The following PLEKHA5 variants were observed in gnomAD, a reference collection of about 807,000 sequenced individuals.
PLEKHA5 encodes the protein pleckstrin homology domain-containing family A member 5.
PLEKHA5 carries 55 observed loss-of-function variants against 181.9 expected under a neutral mutation model. That is an observed-to-expected ratio of 0.30 (90% CI 0.24 to 0.38). The LOEUF (loss-of-function observed/expected upper bound fraction) is 0.38. Among genes scored for constraint, PLEKHA5 ranks in the 10% least tolerant of loss-of-function variants. The probability of loss-of-function intolerance (pLI) is 1.00; values close to 1 mark genes in which losing one functional copy is unlikely to be tolerated. For synonymous variants in PLEKHA5, 535 were observed against 529.4 expected (o/e 1.01, Z -0.15); for missense variants, 1,432 against 1,549.5 (o/e 0.92, Z 1.27).
In PLEKHA5 at chr12:19,322,398, A is replaced by C; in HGVS notation, c.2298+8A>C. On this transcript the variant is annotated splice_region_variant and intron_variant, in intron 19 of 31. Coordinates refer to ENST00000429027, the MANE Select transcript of PLEKHA5 (RefSeq NM_001256470.2). ...CAACTCCACAAGGAGAAAGTAGGAC[A>C]ATTATGTTTATTGTCTACAATTGAT... The C allele has an allele frequency of 6.2e-7, 1 of 1,601,152 alleles. No homozygotes were observed. Among genetic ancestry groups the C allele is most frequent in the Non-Finnish European group, 8.6e-7 (1 of 1,168,410 alleles).
intron 3 of PLEKHA5, among the ~76,000 whole-genome samples, chr12:19,237,952 TC>T (rs140383292): frequency 0.01 from 1,573 of 152,156 alleles, 28 homozygotes; most frequent in African/African-American, 0.036. Context: ...TATTGTAATT[TC>T]ATTCTATTTA....
chr12:19,336,535 A>G lies in PLEKHA5; in HGVS notation c.2469A>G (p.Arg823=), dbSNP rs757812387. The change falls in exon 21 of 32, where the codon AGA becomes AGG. Residue 823 remains arginine (R), a synonymous_variant. Transcript: ENST00000429027. ...TTTAGGAATTGGAACGAGCATGGAG[A>G]GAATATGATAAGTTAGAATACGATG... ...RATAELERAW[R]EYDKLEYDVT... 2 of 1,602,534 alleles carry G rather than the reference A, an allele frequency of 1.2e-6. No homozygotes were observed. The highest frequency in any genetic ancestry group is 1.7e-6 in the Non-Finnish European group (2 of 1,170,972).
chr12:19,275,010 C>T, intron 11 of PLEKHA5, 27 bp downstream of exon 11: 1 of 1,489,776 alleles, frequency 6.7e-7, no homozygotes, highest in Non-Finnish European at 9.2e-7. Context: ...TCATTATGAA[C>T]CCAGGTTTCT....
At chr12:19,173,005 CTTTTTTTTTTTTT>C (rs71064064) in intron 3 of PLEKHA5, among the ~76,000 whole-genome samples, 9 of 33,544 alleles carry the variant, frequency 2.7e-4, no homozygotes, top group Admixed American at 1.3e-3. Flanking sequence ...ATTTCCCTTT[CTTTTTTTTTTTTT>C]TTTTTTTTTT....
chr12:19,323,016 AT>A (rs538132540), intron 20 of PLEKHA5, among the ~76,000 whole-genome samples: 3,313 of 92,578 alleles, frequency 0.036, 106 homozygotes, highest in East Asian at 0.14. Flanking sequence ...ACCTGGCTAG[AT>A]TTTTTTTTTT....
chr12:19,279,338 T>C (rs1252869063), intron 11 of PLEKHA5, among the ~76,000 whole-genome samples: 1 of 152,114 alleles, frequency 6.6e-6, no homozygotes, highest in Non-Finnish European at 1.5e-5. Context: ...ATTTTAGTTC[T>C]ATTTAGCCCG....
intron 3 of PLEKHA5, among the ~76,000 whole-genome samples, chr12:19,240,196 G>A (rs2062221326): frequency 6.6e-6 from 1 of 152,162 alleles, no homozygotes; most frequent in Non-Finnish European, 1.5e-5. Context: ...TACTCTGTCA[G>A]TTTGACTCTA....
At chr12:19,365,445 A>C (rs1271058962) in intron 29 of PLEKHA5, among the ~76,000 whole-genome samples, 1 of 152,128 alleles carries the variant, frequency 6.6e-6, no homozygotes, top group African/African-American at 2.4e-5. Flanking sequence ...GTGATAAACT[A>C]TATAGGACAG....
chr12:19,267,638 C>A (rs564571363), intron 8 of PLEKHA5, among the ~76,000 whole-genome samples: 1 of 149,798 alleles, frequency 6.7e-6, no homozygotes, highest in Non-Finnish European at 1.5e-5. Flanking sequence ...CCAGCCTGGG[C>A]GACAGAGTAA....
intron 22 of PLEKHA5, among the ~76,000 whole-genome samples, chr12:19,345,301 G>A (rs918679785): frequency 6.6e-6 from 1 of 151,760 alleles, no homozygotes; most frequent in Non-Finnish European, 1.5e-5. Context: ...TCGGGAGGCT[G>A]AGGCAGAAGA....
chr12:19,161,443 T>TA (rs2042941648), intron 3 of PLEKHA5, among the ~76,000 whole-genome samples: 1 of 152,160 alleles, frequency 6.6e-6, no homozygotes, highest in Non-Finnish European at 1.5e-5. Context: ...CTTTGGGTGT[T>TA]AAAAACTAAC....
chr12:19,155,727 A>G (rs1031009925), intron 3 of PLEKHA5, among the ~76,000 whole-genome samples: 1 of 152,222 alleles, frequency 6.6e-6, no homozygotes, highest in African/African-American at 2.4e-5. Flanking sequence ...CTATAGATAT[A>G]ATGTTTTTCT....
intron 20 of PLEKHA5, among the ~76,000 whole-genome samples, chr12:19,328,965 G>A (rs893372292): frequency 6.6e-6 from 1 of 152,056 alleles, no homozygotes; most frequent in African/African-American, 2.4e-5. Context: ...GATGTTGGCT[G>A]TATATTTGTC....
intron 3 of PLEKHA5, among the ~76,000 whole-genome samples, chr12:19,175,930 C>T (rs1438813557): frequency 6.6e-6 from 1 of 152,080 alleles, no homozygotes; most frequent in Non-Finnish European, 1.5e-5. Context: ...CCGGGTTGTA[C>T]CCCACACCTC....
intron 15 of PLEKHA5, chr12:19,307,282 G>A (rs1364944292): frequency 4.9e-6 from 2 of 408,680 alleles, no homozygotes; most frequent in East Asian, 1.2e-4. Flanking sequence ...AGACCAACCT[G>A]ACCAACATGG....
intron 31 of PLEKHA5, chr12:19,370,823 G>C (rs2095556310): frequency 6.6e-6 from 1 of 151,800 alleles, no homozygotes; most frequent in African/African-American, 2.4e-5. Context: ...ACAAGTAGCT[G>C]GGATCACAAG....
At chr12:19,297,624 G>A (rs1328931780) in intron 15 of PLEKHA5, among the ~76,000 whole-genome samples, 4 of 120,176 alleles carry the variant, frequency 3.3e-5, no homozygotes, top group Non-Finnish European at 4.9e-5. Context: ...GCGAGGCTCC[G>A]TCTCAAAAAA....
At chr12:19,144,459 A>G (rs2038331154) in intron 3 of PLEKHA5, among the ~76,000 whole-genome samples, 2 of 151,626 alleles carry the variant, frequency 1.3e-5, no homozygotes, top group Non-Finnish European at 2.9e-5. Context: ...TCCTAGGAGA[A>G]CAGACCACAG....
chr12:19,200,235 C>T, intron 3 of PLEKHA5: 1 of 875,028 alleles, frequency 1.1e-6, no homozygotes, highest in Non-Finnish European at 1.8e-6. Flanking sequence ...AAAAGTATCA[C>T]CCATCCCCCT....
Sources: allele counts gnomAD v4.1 joint callset (sites outside exome capture counted in the v4.1 genomes callset), GRCh38; gene constraint gnomAD v4.1.1; transcripts MANE v1.5; gene names NCBI Gene and HGNC (gene_info 2026-07-23, HGNC 2026-07-21).